LPIN1: variants seen among roughly 807,000 people sequenced by gnomAD.
LPIN1 encodes the protein phosphatidate phosphatase LPIN1.
LPIN1 carries 71 observed loss-of-function variants against 107.5 expected under a neutral mutation model. The ratio of observed to expected loss-of-function variants is 0.66; its 90% CI spans 0.55 to 0.80. The LOEUF (loss-of-function observed/expected upper bound fraction) is 0.80. Among genes scored for constraint, LPIN1 ranks in the 30% least tolerant of loss-of-function variants. The probability of loss-of-function intolerance (pLI) is 0.00; values close to 1 mark genes in which losing one functional copy is unlikely to be tolerated. For missense variants in LPIN1, 1,043 were observed against 1,160.6 expected, an observed-to-expected ratio of 0.90 and a Z score of 1.47; for synonymous variants, 445 against 452.6, an observed-to-expected ratio of 0.98 and a Z score of 0.21.
chr2:11,805,118 C>T lies in LPIN1; in HGVS notation c.2211C>T (p.Thr737=). Residue 737 remains threonine (T), a synonymous_variant, in exon 17 of 21, where the codon ACC becomes ACT. Coordinates refer to ENST00000674199, the MANE Select transcript of LPIN1 (RefSeq NM_001349206.2). ...HILPTLGKDW[T]HQGIAKLYHK... ...TGCCCACCCTTGGGAAGGATTGGAC[C>T]CATCAGGGCATCGCTAAGCTGTACC... The T allele has an allele frequency of 6.2e-7, 1 of 1,613,832 alleles. No homozygotes were observed. The highest frequency in any genetic ancestry group is 1.1e-5 in the South Asian group (1 of 91,066).
rs775598100 is a variant in LPIN1, at chr2:11,783,893, T to C, written c.1329T>C (p.Pro443=). Residue 443 remains proline, a synonymous_variant, in exon 9 of 21, where the codon CCT becomes CCC. Transcript: ENST00000674199. The part of the protein sequence containing the change: ...VYLDDLTDMD[P]EVAALYFPKN... ...TGGATGACCTCACAGACATGGATCC[T>C]GAAGTGGCGGCCCTGTATTTTCCCA... The C allele has an allele frequency of 1.2e-6, 2 of 1,614,086 alleles. No homozygotes were observed. The highest frequency in any genetic ancestry group is 2.7e-5 in the African/African-American group (2 of 74,950).
intron 1 of LPIN1, among the ~76,000 whole-genome samples, chr2:11,687,722 A>G (rs1003154801): frequency 6.6e-6 from 1 of 152,258 alleles, no homozygotes; most frequent in African/African-American, 2.4e-5. Flanking sequence ...CCCTGTGTGG[A>G]TGCTGCAAGC....
At chr2:11,784,374 T>G in intron 9 of LPIN1, 2 of 1,115,256 alleles carry the variant, frequency 1.8e-6, no homozygotes, top group Non-Finnish European at 2.2e-6. Flanking sequence ...GAAATGCGCC[T>G]GCTCTATGGA....
chr2:11,718,939 C>T (rs1354564266), intron 2 of LPIN1, among the ~76,000 whole-genome samples: 1 of 152,190 alleles, frequency 6.6e-6, no homozygotes, highest in Admixed American at 6.5e-5. Flanking sequence ...AGGAGTGGTT[C>T]TCTATCTCTT....
In LPIN1 at chr2:11,719,144, G is replaced by T. The variant is rs1663951123; in HGVS notation, c.138+5332G>T. On this transcript the variant is annotated intron_variant, in intron 2 of 21. Coordinates refer to the LPIN1 transcript ENST00000449576. ...AATAGCAACCCAAATCTGAGCTTCT[G>T]ATCTGGGAATTTTTTTTCCTAGTAA... Among the ~76,000 whole-genome samples, 5 of 152,178 alleles carry T rather than the reference G, an allele frequency of 3.3e-5. No homozygotes were observed. The South Asian group carries it at 1.0e-3, about 32-fold the overall frequency.
chr2:11,814,281 T>C (rs553080761), intron 17 of LPIN1, among the ~76,000 whole-genome samples: 7 of 152,062 alleles, frequency 4.6e-5, no homozygotes, highest in Non-Finnish European at 1.0e-4. Context: ...CCTACAAGAA[T>C]TGAGAGTTGA....
Position 11,700,125 on chromosome 2 carries a change from C to T in LPIN1, c.82-13631C>T, listed in dbSNP as rs550184179. Reference sequence around the variant, plus strand: ...ACAGGGTGAAGTCCCTGCAAGTGAGCCCAATGGCCTCTGATAGCCATCCAC... The same window carrying T: ...ACAGGGTGAAGTCCCTGCAAGTGAGTCCAATGGCCTCTGATAGCCATCCAC... On this transcript the variant is annotated intron_variant, in intron 1 of 21. Transcript: ENST00000449576. Among the ~76,000 whole-genome samples, 11 of 152,242 alleles carry T rather than the reference C, an allele frequency of 7.2e-5. No homozygotes were observed. In the South Asian group the frequency reaches 1.9e-3, roughly 26 times the overall value.
At chr2:11,714,808 G>A (rs757128393) in intron 2 of LPIN1, among the ~76,000 whole-genome samples, 7 of 152,312 alleles carry the variant, frequency 4.6e-5, no homozygotes, top group Non-Finnish European at 8.8e-5. Flanking sequence ...CTCCACCCTC[G>A]AGGAGCCCAC....
chr2:11,771,744 T>G lies in LPIN1; in HGVS notation c.596+65T>G. The stretch of plus-strand genomic sequence containing the variant: ...GACAGTTAACTGTTCAAGATTATTT[T>G]TATGAACTTTTCCCCCATAATTCCT... On this transcript the variant is annotated intron_variant, in intron 4 of 20. Transcript: ENST00000674199. The surrounding 1 kb of genome is among the most constrained non-coding windows in gnomAD (Gnocchi z 4.8). The G allele has an allele frequency of 6.9e-7, 1 of 1,455,416 alleles. No individual in the cohort carries two copies. The highest frequency in any genetic ancestry group is 1.3e-5 in the South Asian group (1 of 79,560). 90.2% of individuals were successfully genotyped at this position (1,455,416 alleles called of 1,614,324 possible). A position where few individuals can be genotyped will look rare whatever the true frequency, so the allele number is the denominator to read the frequency against.
At chr2:11,753,406 C>T (rs1346413560) in intron 1 of LPIN1, among the ~76,000 whole-genome samples, 8 of 152,160 alleles carry the variant, frequency 5.3e-5, no homozygotes, top group Non-Finnish European at 1.2e-4. Flanking sequence ...CAAGAAAGTC[C>T]CCAATTTCCC....
intron 1 of LPIN1, among the ~76,000 whole-genome samples, chr2:11,739,633 A>G (rs185484637): frequency 4.8e-4 from 73 of 152,378 alleles, no homozygotes; most frequent in East Asian, 4.6e-3. Flanking sequence ...ACTTTACTGC[A>G]TCTCAGAACA....
chr2:11,764,076 GTGTATATATATATA>G (rs1670345324), intron 1 of LPIN1: 1 of 57,656 alleles, frequency 1.7e-5, no homozygotes, highest in Non-Finnish European at 3.3e-5. Context: ...GTGTGTGTGT[GTGTATATATATATA>G]TATATATATA....
rs769020213 is a variant in LPIN1, at chr2:11,785,071, C to A, written c.1544C>A (p.Thr515Lys). The A allele has an allele frequency of 6.4e-6, 10 of 1,573,072 alleles. No individual in the cohort carries two copies. The highest frequency in any genetic ancestry group is 6.9e-6 in the Non-Finnish European group (8 of 1,162,820). ...GGCCTCAGCGACCACCGGGAGATCA[C>A]GAAAGGTACCGCGGGCCTCGCGCGG... ...CGGLSDHREI[T>K]KDAFLEQAVS... Residue 515 changes from threonine to lysine, a missense_variant, in exon 10 of 21, where the codon ACG becomes AAG. Coordinates refer to ENST00000674199, the MANE Select transcript of LPIN1 (RefSeq NM_001349206.2).
intron 1 of LPIN1, among the ~76,000 whole-genome samples, chr2:11,713,498 T>C (rs1219288829): frequency 4.6e-5 from 7 of 152,232 alleles, no homozygotes; most frequent in Non-Finnish European, 5.9e-5. Flanking sequence ...CTCAAACTCC[T>C]GACCTCAGGT....
upstream of LPIN1, among the ~76,000 whole-genome samples, chr2:11,744,998 C>T (rs1243317759): frequency 2.6e-5 from 4 of 152,246 alleles, no homozygotes; most frequent in Non-Finnish European, 5.9e-5. Flanking sequence ...ACGGGAGCCG[C>T]GCCCCTGGAC....
At chr2:11,773,444 G>C (rs544772372) in intron 4 of LPIN1, among the ~76,000 whole-genome samples, 176 bp from the exon 5 acceptor site, 1 of 152,190 alleles carries the variant, frequency 6.6e-6, no homozygotes, top group Non-Finnish European at 1.5e-5. Context: ...ACATAGACAC[G>C]TTTATGGATG....
intron 10 of LPIN1, 41 bp downstream of exon 10, chr2:11,785,117 G>T (rs974852614): frequency 6.8e-7 from 1 of 1,466,618 alleles, no homozygotes; most frequent in East Asian, 2.3e-5. Context: ...GTGGCCGCCG[G>T]TCAGAAGGCG....
At chr2:11,783,945 A>G in intron 9 of LPIN1, 23 bp downstream of exon 9, 1 of 1,613,612 alleles carries the variant, frequency 6.2e-7, no homozygotes, top group Non-Finnish European at 8.5e-7. Context: ...TTAATTCCTC[A>G]CATCATTTCC....
At chr2:11,758,229 G>T (rs1159677876) in intron 1 of LPIN1, among the ~76,000 whole-genome samples, 1 of 151,840 alleles carries the variant, frequency 6.6e-6, no homozygotes, top group Non-Finnish European at 1.5e-5. Context: ...ACGACCATGG[G>T]TGTGCCAATA....
Sources: gnomAD v4.1 joint callset for allele counts (sites outside exome capture counted in the v4.1 genomes callset) on GRCh38, gnomAD v4.1.1 for gene constraint, Gnocchi (gnomAD v3.1) non-coding constraint, MANE v1.5 for transcripts, NCBI Gene and HGNC (gene_info 2026-07-23, HGNC 2026-07-21) for gene names.